The following GRID2 variants were observed in gnomAD, a reference collection of about 807,000 sequenced individuals.
GRID2 encodes the protein glutamate ionotropic receptor delta type subunit 2, also known as glutamate receptor ionotropic, delta-2.
A neutral mutation model predicts 114.8 loss-of-function variants in GRID2; 33 were observed. That is an observed-to-expected ratio of 0.29 (90% confidence interval 0.22 to 0.38). The LOEUF is 0.38. Ranked by LOEUF, GRID2 falls within the 10% of genes least tolerant of loss-of-function variation. The pLI is 1.00. For missense variants in GRID2, 1,184 were observed against 1,257.7 expected, an observed-to-expected ratio of 0.94 and a Z score of 0.89; for synonymous variants, 505 against 449.9, an observed-to-expected ratio of 1.12 and a Z score of -1.55.
chr4:92,442,613 C>T (rs374014745), intron 1 of GRID2, among the ~76,000 whole-genome samples: 3 of 151,678 alleles, frequency 2.0e-5, no homozygotes, highest in Non-Finnish European at 2.9e-5. Flanking sequence ...GTTTGAGGGC[C>T]GGAATTTAAT....
intron 1 of GRID2, among the ~76,000 whole-genome samples, chr4:92,530,539 G>T (rs540833189): frequency 1.3e-5 from 2 of 148,580 alleles, no homozygotes; most frequent in Non-Finnish European, 3.0e-5. Flanking sequence ...AGACTTCCGA[G>T]ACACGAGAAT....
At chr4:93,248,578 T>C (rs1040243875) in intron 8 of GRID2, among the ~76,000 whole-genome samples, 1 of 152,148 alleles carries the variant, frequency 6.6e-6, no homozygotes, top group African/African-American at 2.4e-5. Context: ...GAGAAAGATA[T>C]ATATATCTTG....
At chr4:92,938,769 G>A (rs1196774003) in intron 2 of GRID2, among the ~76,000 whole-genome samples, 1 of 133,124 alleles carries the variant, frequency 7.5e-6, no homozygotes, top group Non-Finnish European at 1.6e-5. Flanking sequence ...CTGTGTCCAT[G>A]TGTTCTCATT....
chr4:93,203,442 A>G (rs1742323559), intron 4 of GRID2, among the ~76,000 whole-genome samples: 1 of 152,136 alleles, frequency 6.6e-6, no homozygotes, highest in African/African-American at 2.4e-5. Flanking sequence ...CTTAAGGACC[A>G]TTCTAGTATA....
chr4:93,017,629 A>G (rs1578761701), intron 2 of GRID2, among the ~76,000 whole-genome samples: 2 of 151,840 alleles, frequency 1.3e-5, no homozygotes, highest in African/African-American at 4.8e-5. Flanking sequence ...AACACAATGA[A>G]GCCCTGTGTC....
chr4:93,098,116 T>C (rs1320000931), intron 3 of GRID2, among the ~76,000 whole-genome samples: 2 of 152,036 alleles, frequency 1.3e-5, no homozygotes, highest in African/African-American at 2.4e-5. Flanking sequence ...TGTTGTCTTG[T>C]TGCTGTAGAG....
intron 2 of GRID2, among the ~76,000 whole-genome samples, chr4:92,679,228 AT>A: frequency 6.6e-6 from 1 of 151,902 alleles, no homozygotes; most frequent in African/African-American, 2.4e-5. Flanking sequence ...GTTTTATTGG[AT>A]TTTTGTTTGT....
intron 1 of GRID2, among the ~76,000 whole-genome samples, chr4:92,435,957 G>C (rs186041380): frequency 6.6e-6 from 1 of 152,224 alleles, no homozygotes; most frequent in East Asian, 1.9e-4. Flanking sequence ...TTGTATCTGA[G>C]ATTGTTTGGT....
At chr4:92,985,954 C>A (rs897212612) in intron 2 of GRID2, among the ~76,000 whole-genome samples, 3 of 152,200 alleles carry the variant, frequency 2.0e-5, no homozygotes, top group Non-Finnish European at 4.4e-5. Flanking sequence ...TCTCAATTCA[C>A]CGTCTGCTTA....
chr4:92,997,381 G>A (rs969675248), intron 2 of GRID2, among the ~76,000 whole-genome samples: 1 of 152,166 alleles, frequency 6.6e-6, no homozygotes, highest in Admixed American at 6.5e-5. Context: ...GTAACCCTAT[G>A]TGATAAAATA....
intron 13 of GRID2, among the ~76,000 whole-genome samples, chr4:93,560,017 G>C (rs1734734414): frequency 6.6e-6 from 1 of 151,800 alleles, no homozygotes; most frequent in South Asian, 2.1e-4. Context: ...TCATAAGTGG[G>C]AGCTGAGCAA....
chr4:93,440,942 C>T (rs1366771644), intron 10 of GRID2, among the ~76,000 whole-genome samples: 1 of 152,010 alleles, frequency 6.6e-6, no homozygotes, highest in African/African-American at 2.4e-5. Context: ...AGAGAGTGAA[C>T]ATTTGCCAAA....
intron 2 of GRID2, among the ~76,000 whole-genome samples, chr4:92,974,109 G>A (rs1429991914): frequency 6.6e-6 from 1 of 152,206 alleles, no homozygotes; most frequent in Non-Finnish European, 1.5e-5. Context: ...CTGGTCATTG[G>A]AGAAATGCAA....
intron 8 of GRID2, among the ~76,000 whole-genome samples, chr4:93,381,306 T>G (rs546153401): frequency 1.2e-4 from 19 of 152,234 alleles, no homozygotes; most frequent in Middle Eastern, 3.4e-3. Flanking sequence ...AAGAAACTTA[T>G]GTTAAGTGGA....
chr4:93,268,723 A>T (rs953042321), intron 8 of GRID2, among the ~76,000 whole-genome samples: 2 of 152,222 alleles, frequency 1.3e-5, no homozygotes, highest in African/African-American at 4.8e-5. Context: ...TGTGGGTCAA[A>T]GATTTATTAA....
At chr4:92,413,360 G>A (rs547977329) in intron 1 of GRID2, among the ~76,000 whole-genome samples, 2 of 152,196 alleles carry the variant, frequency 1.3e-5, no homozygotes, top group Admixed American at 1.3e-4. Flanking sequence ...TTCATAGAAG[G>A]ACTTAAATAG....
intron 2 of GRID2, among the ~76,000 whole-genome samples, chr4:92,924,714 A>G (rs1487787132): frequency 1.3e-5 from 2 of 152,086 alleles, no homozygotes; most frequent in African/African-American, 2.4e-5. Context: ...TCTCTAAACC[A>G]TGCATCTTTA....
At chr4:93,603,103 G>C (rs71599287) in intron 13 of GRID2, among the ~76,000 whole-genome samples, 32 of 152,078 alleles carry the variant, frequency 2.1e-4, no homozygotes, top group Non-Finnish European at 3.8e-4. Flanking sequence ...TCAGCTACTC[G>C]GGAGGCTGAG....
chr4:92,800,055 T>G (rs948865525), intron 2 of GRID2, among the ~76,000 whole-genome samples: 2 of 152,016 alleles, frequency 1.3e-5, no homozygotes, highest in African/African-American at 4.8e-5. Flanking sequence ...GTCAGTTCTT[T>G]TTCATATGCT....
Sources: allele counts gnomAD v4.1 joint callset (sites outside exome capture counted in the v4.1 genomes callset), GRCh38; gene constraint gnomAD v4.1.1; transcripts MANE v1.5; gene names NCBI Gene and HGNC (gene_info 2026-07-23, HGNC 2026-07-21).